Variants in WWOX observed in about 807,000 individuals in gnomAD.
WWOX encodes the protein WW domain containing oxidoreductase, also known as WW domain-containing oxidoreductase.
WWOX carries 69 observed loss-of-function variants against 46.2 expected under a neutral mutation model. That is an observed-to-expected ratio of 1.49 (90% CI 1.23 to 1.82). The LOEUF is 1.82. WWOX is among the 40% of genes most tolerant of loss of function. The probability of loss-of-function intolerance (pLI) is 0.00; values close to 1 mark genes in which losing one functional copy is unlikely to be tolerated. For missense variants in WWOX, 919 were observed against 542.6 expected, an observed-to-expected ratio of 1.69 and a Z score of -6.89; for synonymous variants, 359 against 202.6, an observed-to-expected ratio of 1.77 and a Z score of -6.56.
At chr16:79,207,256 T>G (rs925294687) in intron 8 of WWOX, among the ~76,000 whole-genome samples, 4 of 152,218 alleles carry the variant, frequency 2.6e-5, no homozygotes, top group African/African-American at 9.6e-5. Context: ...TGGCTTTGCA[T>G]TTGAGAAGTA....
At chr16:78,593,734 AAAAGAGAG>A (rs2045406536) in intron 8 of WWOX, among the ~76,000 whole-genome samples, 1 of 53,120 alleles carries the variant, frequency 1.9e-5, no homozygotes, top group African/African-American at 6.1e-5. Context: ...GTTAAAAAAA[AAAAGAGAG>A]AGAGAGAGAG....
intron 8 of WWOX, among the ~76,000 whole-genome samples, chr16:78,710,783 T>G (rs542632957): frequency 1.3e-5 from 2 of 151,068 alleles, no homozygotes; most frequent in African/African-American, 4.9e-5. Context: ...CCCAGCTAAT[T>G]GTTTAATTTT....
chr16:78,109,120 G>C (rs1316266215), intron 2 of WWOX, among the ~76,000 whole-genome samples: 1 of 152,158 alleles, frequency 6.6e-6, no homozygotes, highest in Admixed American at 6.5e-5. Context: ...AAATATATAA[G>C]TATTTGGAAA....
chr16:78,470,942 A>G (rs2084206047), intron 8 of WWOX, among the ~76,000 whole-genome samples: 1 of 152,172 alleles, frequency 6.6e-6, no homozygotes, highest in Non-Finnish European at 1.5e-5. Flanking sequence ...GCAACTGAGG[A>G]TGGCTGTATG....
At chr16:78,859,395 G>T (rs931965534) in intron 8 of WWOX, among the ~76,000 whole-genome samples, 2 of 151,988 alleles carry the variant, frequency 1.3e-5, no homozygotes, top group Non-Finnish European at 2.9e-5. Context: ...GAGGTACCTT[G>T]CAGTACTTTT....
At chr16:78,609,487 A>T (rs2045846070) in intron 8 of WWOX, among the ~76,000 whole-genome samples, 1 of 151,314 alleles carries the variant, frequency 6.6e-6, no homozygotes, top group Non-Finnish European at 1.5e-5. Context: ...AAAAAAAAAA[A>T]TGTTTTCTGG....
At chr16:79,045,218 G>A (rs1032407165) in intron 8 of WWOX, among the ~76,000 whole-genome samples, 1 of 152,196 alleles carries the variant, frequency 6.6e-6, no homozygotes, top group Admixed American at 6.5e-5. Flanking sequence ...TTATGTGGTG[G>A]ATGTACCTCA....
chr16:78,967,553 T>C (rs1413633019), intron 8 of WWOX, among the ~76,000 whole-genome samples: 1 of 145,826 alleles, frequency 6.9e-6, no homozygotes, highest in Non-Finnish European at 1.5e-5. Flanking sequence ...GATCCACCCA[T>C]CTTGGCCTCC....
rs537666364 is a variant in WWOX at position 78,570,174 on chromosome 16, A to G, written c.1056+137422A>G. 2.6e-5 allele frequency among the ~76,000 whole-genome samples: 4 copies of G among 152,310 alleles called. No homozygotes were observed. In the East Asian group the frequency reaches 7.7e-4, roughly 29 times the overall value. ...CCTTTTTTAGAAATTTAACTTTGCA[A>G]ACAAACTCAGGGGAAACTAGTGAGG... is the stretch of plus-strand genomic sequence containing the variant. On this transcript the variant is annotated intron_variant, in intron 8 of 8. Coordinates refer to ENST00000566780, the MANE Select transcript of WWOX (RefSeq NM_016373.4).
intron 6 of WWOX, among the ~76,000 whole-genome samples, chr16:78,398,004 T>A (rs1180187855): frequency 6.6e-6 from 1 of 152,254 alleles, no homozygotes; most frequent in Non-Finnish European, 1.5e-5. Flanking sequence ...TTGACTGTCA[T>A]TTGCATCATC....
chr16:78,746,555 A>T (rs1416526962), intron 8 of WWOX, among the ~76,000 whole-genome samples: 1 of 151,966 alleles, frequency 6.6e-6, no homozygotes, highest in Non-Finnish European at 1.5e-5. Context: ...GAGCAGTGAA[A>T]TGAACTTTCT....
intron 5 of WWOX, among the ~76,000 whole-genome samples, chr16:78,335,937 T>A (rs897146318): frequency 6.6e-6 from 1 of 151,374 alleles, no homozygotes; most frequent in Non-Finnish European, 1.5e-5. Flanking sequence ...ACTAAAAATA[T>A]AAAAATTTGC....
intron 8 of WWOX, among the ~76,000 whole-genome samples, chr16:79,178,487 C>G (rs1359731902): frequency 6.6e-6 from 1 of 151,978 alleles, no homozygotes; most frequent in Non-Finnish European, 1.5e-5. Context: ...GGCTAATTTT[C>G]TAAATTTTTT....
At chr16:78,615,328 C>G (rs557472923) in intron 8 of WWOX, among the ~76,000 whole-genome samples, 2 of 152,068 alleles carry the variant, frequency 1.3e-5, no homozygotes, top group African/African-American at 2.4e-5. Flanking sequence ...CTCCGCGACT[C>G]GGTACCTGGT....
intron 8 of WWOX, among the ~76,000 whole-genome samples, chr16:79,062,156 G>T (rs908801405): frequency 3.3e-5 from 5 of 152,160 alleles, no homozygotes; most frequent in Non-Finnish European, 7.3e-5. Context: ...TAGGGAGACT[G>T]GGGGCCCCAG....
At chr16:78,547,877 C>A (rs1035930827) in intron 8 of WWOX, among the ~76,000 whole-genome samples, 3 of 152,014 alleles carry the variant, frequency 2.0e-5, no homozygotes, top group African/African-American at 7.3e-5. Flanking sequence ...TATGGCTGGG[C>A]GTGGTGGCTC....
intron 4 of WWOX, among the ~76,000 whole-genome samples, chr16:78,138,707 A>C (rs1336169760): frequency 6.6e-6 from 1 of 152,214 alleles, no homozygotes; most frequent in Non-Finnish European, 1.5e-5. Context: ...GCCTGCCTTC[A>C]GTAGCAATCA....
At chr16:78,974,343 A>C (rs370883447) in intron 8 of WWOX, among the ~76,000 whole-genome samples, 2 of 152,204 alleles carry the variant, frequency 1.3e-5, no homozygotes, top group South Asian at 2.1e-4. Flanking sequence ...TTTGTGTGTC[A>C]CATCAATAAA....
intron 8 of WWOX, chr16:78,552,439 A>G: frequency 6.6e-6 from 1 of 152,222 alleles, no homozygotes; most frequent in East Asian, 1.9e-4. Context: ...CAGTTTTGTA[A>G]TCCAGCTCCA....
Sources: allele counts gnomAD v4.1 joint callset (sites outside exome capture counted in the v4.1 genomes callset), GRCh38; gene constraint gnomAD v4.1.1; transcripts MANE v1.5; gene names NCBI Gene and HGNC (gene_info 2026-07-23, HGNC 2026-07-21).